The following IL13RA1 variants were observed in gnomAD, a reference collection of about 807,000 sequenced individuals.
IL13RA1 encodes the protein interleukin 13 receptor subunit alpha 1, also known as interleukin-13 receptor subunit alpha-1.
IL13RA1 carries 14 observed loss-of-function variants against 33.8 expected under a neutral mutation model. That is an observed-to-expected ratio of 0.41 (90% CI 0.27 to 0.65). The LOEUF (loss-of-function observed/expected upper bound fraction) is 0.65, where lower values mean the gene tolerates loss of function less well. Ranked by LOEUF, IL13RA1 falls within the 30% of genes least tolerant of loss-of-function variation. The pLI, the probability that IL13RA1 is intolerant of heterozygous loss-of-function variation, is 0.28. For missense variants in IL13RA1, 313 were observed against 327.0 expected, an observed-to-expected ratio of 0.96 and a Z score of 0.33; for synonymous variants, 116 against 115.7, an observed-to-expected ratio of 1.00 and a Z score of -0.02.
downstream of IL13RA1, among the ~76,000 whole-genome samples, chrX:118,798,610 C>G (rs1010776723): frequency 4.6e-4 from 52 of 112,478 alleles, no homozygotes; most frequent in African/African-American, 1.5e-3. Context: ...CCCTCCACTT[C>G]CAGCTTCTGT....
chrX:118,800,400 G>A, the IL13RA1 span, among the ~76,000 whole-genome samples: 1 of 110,650 alleles, frequency 9.0e-6, no homozygotes, highest in Non-Finnish European at 1.9e-5. Flanking sequence ...TGAGCCCAGC[G>A]AGACCACGAG....
chrX:118,734,329 G>T (rs1445948263), intron 1 of IL13RA1, among the ~76,000 whole-genome samples: 2 of 111,157 alleles, frequency 1.8e-5, no homozygotes, highest in African/African-American at 6.5e-5. Context: ...TCTTTTTCTT[G>T]CCTAATTGCT....
chrX:118,791,631 A>C, intron 10 of IL13RA1, 131 bp from the exon 11 acceptor site: 1 of 319,217 alleles, frequency 3.1e-6, no homozygotes, highest in East Asian at 4.8e-5. Context: ...CAAAAAAAAA[A>C]AAAAAACAGG....
Position 118,776,409 on chromosome X carries a change from GTC to G in IL13RA1, c.1107-14_1107-13del, listed in dbSNP as rs1273720780. 3 of 726,599 alleles carry G rather than the reference GTC, an allele frequency of 4.1e-6. No individual in the cohort carries two copies. Among genetic ancestry groups the G allele is most frequent in the Non-Finnish European group, 4.3e-6 (2 of 460,031 alleles). 59.9% of individuals were successfully genotyped at this position (726,599 alleles called of 1,213,427 possible). A position where few individuals can be genotyped will look rare whatever the true frequency, so the allele number is the denominator to read the frequency against. ...ATGGACTGGAAGGTTTGAATCAAAT[GTC>G]TCTGTTTTCTTAAAGGCTCAAGATT... On this transcript the variant is annotated splice_polypyrimidine_tract_variant and intron_variant, in intron 9 of 10. Transcript: ENST00000371666.
At chrX:118,785,999 A>G (rs2017912647) in intron 10 of IL13RA1, among the ~76,000 whole-genome samples, 1 of 111,992 alleles carries the variant, frequency 8.9e-6, no homozygotes, top group African/African-American at 3.2e-5. Context: ...TACTTCAGCT[A>G]GTTTTGAAAT....
chrX:118,769,594 C>T (rs1378964121), intron 8 of IL13RA1, among the ~76,000 whole-genome samples: 1 of 112,774 alleles, frequency 8.9e-6, no homozygotes, highest in African/African-American at 3.2e-5. Context: ...TGGTAAGTAA[C>T]CAGTAAAATA....
chrX:118,776,784 C>A (rs192825048), intron 10 of IL13RA1, among the ~76,000 whole-genome samples: 1 of 106,712 alleles, frequency 9.4e-6, no homozygotes, highest in African/African-American at 3.4e-5. Context: ...TATTTTTTTG[C>A]GAGATCTCAT....
chrX:118,782,093 G>A (rs111688413), intron 10 of IL13RA1, among the ~76,000 whole-genome samples: 2 of 109,306 alleles, frequency 1.8e-5, no homozygotes, highest in African/African-American at 6.7e-5. Context: ...TTTCTTTTGA[G>A]ACAGGATCTT....
At chrX:118,773,032 G>C (rs1171539783) in intron 8 of IL13RA1, among the ~76,000 whole-genome samples, 3 of 112,265 alleles carry the variant, frequency 2.7e-5, no homozygotes, top group Non-Finnish European at 5.6e-5. Flanking sequence ...TTTAGGCTAT[G>C]AAAACATTAT....
At chrX:118,784,023 C>T (rs2017875221) in intron 10 of IL13RA1, among the ~76,000 whole-genome samples, 1 of 93,010 alleles carries the variant, frequency 1.1e-5, no homozygotes. Flanking sequence ...TTGTAATGAG[C>T]CGAGATTGAG....
chrX:118,795,675 A>C (rs1156583491), downstream of IL13RA1, among the ~76,000 whole-genome samples: 1 of 112,393 alleles, frequency 8.9e-6, no homozygotes, highest in Non-Finnish European at 1.9e-5. Context: ...TCCTGTAGCC[A>C]CAAACATGAT....
intron 1 of IL13RA1, among the ~76,000 whole-genome samples, chrX:118,736,493 T>G (rs1227395813): frequency 6.2e-5 from 7 of 112,220 alleles, no homozygotes; most frequent in African/African-American, 2.3e-4. Flanking sequence ...GCTGTCTGTG[T>G]GTTGAGCATC....
chrX:118,757,951 A>G lies in IL13RA1; in HGVS notation c.489-104A>G, dbSNP rs1603214084. ...AGTGATCCGCCTGCCTCAGCCTCCA[A>G]AAGTGCTGGGATTACAGGTGTGAGC... On this transcript the variant is annotated intron_variant, in intron 4 of 10. Coordinates refer to ENST00000371666, the MANE Select transcript of IL13RA1 (RefSeq NM_001560.3). 10 of 471,901 alleles carry G rather than the reference A, an allele frequency of 2.1e-5. No homozygotes were observed. The East Asian group carries it at 3.5e-4, about 16-fold the overall frequency. 38.9% of individuals were successfully genotyped at this position (471,901 alleles called of 1,213,427 possible).
rs190445768 is a variant in IL13RA1 at position 118,732,074 on chromosome X, A to C, written c.88+4348A>C. On this transcript the variant is annotated intron_variant, in intron 1 of 10. Transcript: ENST00000371666. Reference sequence around the variant, plus strand: ...AAATACACATAAAATTTACCATCTTAATCATTTTTAAGTACACAGTTCAGT... The same window carrying C: ...AAATACACATAAAATTTACCATCTTCATCATTTTTAAGTACACAGTTCAGT... 3.7e-3 allele frequency among the ~76,000 whole-genome samples: 415 copies of C among 111,723 alleles called. 1 individual carries two copies. The highest frequency in any genetic ancestry group is 0.013 in the African/African-American group (400 of 30,732).
intron 4 of IL13RA1, among the ~76,000 whole-genome samples, chrX:118,756,700 T>C (rs1432221365): frequency 9.1e-6 from 1 of 110,203 alleles, no homozygotes; most frequent in African/African-American, 3.3e-5. Context: ...GGAACAGAGG[T>C]GGGGGAAAAG....
intron 1 of IL13RA1, among the ~76,000 whole-genome samples, chrX:118,735,921 G>GT (rs2017276910): frequency 9.0e-6 from 1 of 111,220 alleles, no homozygotes; most frequent in African/African-American, 3.3e-5. Flanking sequence ...TCTGCTGATG[G>GT]TGTACCACAG....
chrX:118,801,867 G>A, the IL13RA1 span, among the ~76,000 whole-genome samples: 2 of 111,974 alleles, frequency 1.8e-5, no homozygotes, highest in Admixed American at 1.9e-4. Context: ...CAATTATACT[G>A]TTTTTAGAAA....
intron 2 of IL13RA1, among the ~76,000 whole-genome samples, chrX:118,741,648 G>C (rs773432389): frequency 8.9e-6 from 1 of 111,852 alleles, no homozygotes; most frequent in Non-Finnish European, 1.9e-5. Context: ...TGTAATGCCC[G>C]CGGAAAAAGG....
At chrX:118,775,059 C>A (rs1181182174) in intron 9 of IL13RA1, among the ~76,000 whole-genome samples, 1 of 111,337 alleles carries the variant, frequency 9.0e-6, no homozygotes, top group Non-Finnish European at 1.9e-5. Context: ...ACTATAATTT[C>A]ACTTAGAAGT....
Sources: allele counts gnomAD v4.1 joint callset (sites outside exome capture counted in the v4.1 genomes callset), GRCh38; gene constraint gnomAD v4.1.1; transcripts MANE v1.5; gene names NCBI Gene and HGNC (gene_info 2026-07-23, HGNC 2026-07-21).